POFUT3: variants seen among roughly 807,000 people sequenced by gnomAD.
POFUT3 encodes the protein GDP-fucose protein O-fucosyltransferase 3.
the POFUT3 span, chr8:33,436,710 A>G: frequency 4.1e-6 from 3 of 735,318 alleles, no homozygotes; most frequent in Non-Finnish European, 7.0e-6. Context: ...TCCTGACCAC[A>G]GCTAGCACAG....
chr8:33,386,251 T>C, the POFUT3 span, among the ~76,000 whole-genome samples: 2 of 151,234 alleles, frequency 1.3e-5, no homozygotes, highest in Non-Finnish European at 2.9e-5. Flanking sequence ...TCATAGAATG[T>C]TTTATTCTGC....
At chr8:33,421,509 TG>T in the POFUT3 span, among the ~76,000 whole-genome samples, 6 of 152,252 alleles carry the variant, frequency 3.9e-5, no homozygotes, top group African/African-American at 1.4e-4. Context: ...AAGGTTTTAA[TG>T]GGAGGGCCTT....
At chr8:33,423,128 C>T in the POFUT3 span, among the ~76,000 whole-genome samples, 2 of 151,914 alleles carry the variant, frequency 1.3e-5, no homozygotes, top group African/African-American at 4.8e-5. Context: ...CTTTAACTCA[C>T]TTTATGGCGC....
At chr8:33,409,820 GC>G in the POFUT3 span, among the ~76,000 whole-genome samples, 1 of 152,210 alleles carries the variant, frequency 6.6e-6, no homozygotes, top group South Asian at 2.1e-4. Context: ...CAGGAGAATG[GC>G]GTGAACCCAT....
chr8:33,335,304 A>G, the POFUT3 span, among the ~76,000 whole-genome samples: 1 of 152,126 alleles, frequency 6.6e-6, no homozygotes, highest in African/African-American at 2.4e-5. Context: ...ATTTTTACCA[A>G]ACTTTGGTGT....
chr8:33,339,601 A>T, the POFUT3 span, among the ~76,000 whole-genome samples: 3 of 152,206 alleles, frequency 2.0e-5, no homozygotes, highest in African/African-American at 7.2e-5. Context: ...TTAAACCGAG[A>T]GAAATCCACA....
At chr8:33,433,950 A>G in the POFUT3 span, among the ~76,000 whole-genome samples, 1 of 146,802 alleles carries the variant, frequency 6.8e-6, no homozygotes, top group South Asian at 2.2e-4. Flanking sequence ...CCTGGGCAAC[A>G]GAGCAAGACA....
the POFUT3 span, among the ~76,000 whole-genome samples, chr8:33,331,273 G>GT: frequency 6.6e-6 from 1 of 151,754 alleles, no homozygotes; most frequent in Non-Finnish European, 1.5e-5. Flanking sequence ...GGCGGAGGTT[G>GT]TAGTGAGCTG....
the POFUT3 span, among the ~76,000 whole-genome samples, chr8:33,465,429 TAGAGAG>T: frequency 3.7e-3 from 551 of 147,028 alleles, 2 homozygotes; most frequent in African/African-American, 0.012. Context: ...CATATATATA[TAGAGAG>T]AGAGAGAGAG....
At chr8:33,318,156 A>G in the POFUT3 span, among the ~76,000 whole-genome samples, 1 of 151,974 alleles carries the variant, frequency 6.6e-6, no homozygotes, top group African/African-American at 2.4e-5. Context: ...ATCTGAGTCC[A>G]CATGTAAGAA....
the POFUT3 span, among the ~76,000 whole-genome samples, chr8:33,402,140 C>T: frequency 1.3e-5 from 2 of 152,334 alleles, no homozygotes; most frequent in Admixed American, 6.5e-5. Context: ...ACTAGAATTT[C>T]AGAGCATATT....
the POFUT3 span, among the ~76,000 whole-genome samples, chr8:33,470,227 C>T: frequency 1.6e-5 from 2 of 127,410 alleles, no homozygotes. Context: ...CAGCAAGAAC[C>T]CATCTCTACA....
At chr8:33,387,113 G>C in the POFUT3 span, among the ~76,000 whole-genome samples, 1 of 152,122 alleles carries the variant, frequency 6.6e-6, no homozygotes, top group Admixed American at 6.6e-5. Flanking sequence ...TTGTGTGTGT[G>C]TGTGTGTATT....
At chr8:33,376,795 A>G in the POFUT3 span, among the ~76,000 whole-genome samples, 1 of 152,218 alleles carries the variant, frequency 6.6e-6, no homozygotes, top group South Asian at 2.1e-4. Flanking sequence ...TAGAGACTGG[A>G]TTTGAAGCAA....
At chr8:33,338,362 G>A in the POFUT3 span, among the ~76,000 whole-genome samples, 109 of 151,762 alleles carry the variant, frequency 7.2e-4, no homozygotes, top group Admixed American at 2.0e-3. Context: ...CTTCTAAAAT[G>A]TAAAAGAGGG....
the POFUT3 span, among the ~76,000 whole-genome samples, chr8:33,400,130 T>TA: frequency 0.04 from 4,581 of 114,888 alleles, 269 homozygotes; most frequent in African/African-American, 0.13. Context: ...TTAAGTTCAT[T>TA]AAAAAAAAAA....
the POFUT3 span, among the ~76,000 whole-genome samples, chr8:33,311,701 C>T: frequency 1.3e-5 from 2 of 152,152 alleles, no homozygotes; most frequent in African/African-American, 4.8e-5. Context: ...GATCCCTATT[C>T]CTTCTACATA....
the POFUT3 span, among the ~76,000 whole-genome samples, chr8:33,463,500 G>A: frequency 1.7e-4 from 25 of 150,104 alleles, no homozygotes; most frequent in Admixed American, 1.2e-3. Context: ...GCCAGACTGC[G>A]TCTCAAAAAA....
the POFUT3 span, among the ~76,000 whole-genome samples, chr8:33,334,528 C>G: frequency 6.6e-6 from 1 of 152,114 alleles, no homozygotes; most frequent in South Asian, 2.1e-4. Context: ...GTTGCAGATT[C>G]TTCAGCAGTA....
Sources: gnomAD v4.1 joint callset for allele counts (sites outside exome capture counted in the v4.1 genomes callset) on GRCh38, gnomAD v4.1.1 for gene constraint, MANE v1.5 for transcripts, NCBI Gene and HGNC (gene_info 2026-07-23, HGNC 2026-07-21) for gene names.